The following HS6ST3 variants were observed in gnomAD, a reference collection of about 807,000 sequenced individuals.
HS6ST3 encodes heparan sulfate 6-O-sulfotransferase 3.
Under a neutral mutation model 36.7 loss-of-function variants are expected in HS6ST3, and 12 were observed. That is an observed-to-expected ratio of 0.33 (90% CI 0.21 to 0.53). The LOEUF (loss-of-function observed/expected upper bound fraction) is 0.53. Among genes scored for constraint, HS6ST3 ranks in the 20% least tolerant of loss-of-function variants. The pLI is 0.95. For missense variants in HS6ST3, 584 were observed against 640.9 expected, an observed-to-expected ratio of 0.91 and a Z score of 0.96; for synonymous variants, 240 against 257.5, an observed-to-expected ratio of 0.93 and a Z score of 0.65.
intron 1 of HS6ST3, among the ~76,000 whole-genome samples, chr13:96,489,597 GT>G (rs1201472146): frequency 6.6e-6 from 1 of 151,794 alleles, no homozygotes; most frequent in Non-Finnish European, 1.5e-5. Context: ...GCTTATATGT[GT>G]TGTCATATCA....
At chr13:96,278,508 C>A (rs749728003) in intron 1 of HS6ST3, among the ~76,000 whole-genome samples, 1 of 152,092 alleles carries the variant, frequency 6.6e-6, no homozygotes, top group Non-Finnish European at 1.5e-5. Context: ...AATTTGAAGT[C>A]TTTATATAAT....
rs1878905169 is a variant in HS6ST3, at chr13:96,835,578, C to T, written c.*2380C>T. ...TGTTCTGCCTAGAATAGCAGGACTG[C>T]AAATTATCCTTCTGCCTGCCCCTGT... On this transcript the variant is annotated 3_prime_UTR_variant, in exon 2 of 2. Transcript: ENST00000376705. 6.7e-6 allele frequency: 1 copy of T among 149,394 alleles called. No individual in the cohort carries two copies. Among genetic ancestry groups the T allele is most frequent in the Non-Finnish European group, 1.5e-5 (1 of 67,810 alleles). 9.3% of individuals were successfully genotyped at this position (149,394 alleles called of 1,614,324 possible).
intron 1 of HS6ST3, among the ~76,000 whole-genome samples, chr13:96,689,557 T>C (rs1874879267): frequency 6.6e-6 from 1 of 151,530 alleles, no homozygotes; most frequent in South Asian, 2.1e-4. Flanking sequence ...ATTGGTTGCT[T>C]AGTCGTCAGG....
intron 1 of HS6ST3, among the ~76,000 whole-genome samples, chr13:96,794,751 A>G (rs1431803885): frequency 1.3e-5 from 2 of 152,054 alleles, no homozygotes; most frequent in Non-Finnish European, 2.9e-5. Context: ...ATAAACCAGG[A>G]TAAAGCATGT....
chr13:96,312,951 CAAAAAAAAA>C (rs754098470), intron 1 of HS6ST3, among the ~76,000 whole-genome samples: 2 of 81,440 alleles, frequency 2.5e-5, no homozygotes, highest in Non-Finnish European at 4.7e-5. Context: ...GACCCTGTCT[CAAAAAAAAA>C]AAAAAAAAAA....
At chr13:96,612,218 T>C (rs480651) in intron 1 of HS6ST3, among the ~76,000 whole-genome samples, 57,147 of 151,882 alleles carry the variant, frequency 0.38, 11,012 homozygotes, top group East Asian at 0.62. Context: ...AGGGTGAGGT[T>C]CCTGCTTAGG....
At chr13:96,242,610 T>A (rs540282490) in intron 1 of HS6ST3, among the ~76,000 whole-genome samples, 6 of 151,532 alleles carry the variant, frequency 4.0e-5, no homozygotes, top group Middle Eastern at 3.6e-3. Context: ...ATCTTCCAGG[T>A]TGATCCATGG....
At chr13:96,708,766 T>A (rs1875490458) in intron 1 of HS6ST3, among the ~76,000 whole-genome samples, 1 of 152,146 alleles carries the variant, frequency 6.6e-6, no homozygotes, top group African/African-American at 2.4e-5. Flanking sequence ...TTCTCTGGCA[T>A]GGCAAATTAT....
intron 1 of HS6ST3, among the ~76,000 whole-genome samples, chr13:96,208,526 G>C (rs2054383174): frequency 6.6e-6 from 1 of 152,124 alleles, no homozygotes; most frequent in African/African-American, 2.4e-5. Flanking sequence ...TGATTCTTTA[G>C]AGATTTACTA....
intron 1 of HS6ST3, among the ~76,000 whole-genome samples, chr13:96,400,473 A>G (rs571182815): frequency 3.3e-5 from 5 of 152,174 alleles, no homozygotes; most frequent in Non-Finnish European, 7.3e-5. Context: ...TTAACTGATT[A>G]ATGAATTAAT....
chr13:96,736,002 A>G (rs867637545), intron 1 of HS6ST3, among the ~76,000 whole-genome samples: 1 of 152,148 alleles, frequency 6.6e-6, no homozygotes, highest in Admixed American at 6.5e-5. Context: ...TCACTTATAA[A>G]TAGGAGCTAA....
intron 1 of HS6ST3, among the ~76,000 whole-genome samples, chr13:96,548,986 C>T (rs2056208618): frequency 6.6e-6 from 1 of 152,218 alleles, no homozygotes; most frequent in Non-Finnish European, 1.5e-5. Flanking sequence ...AACCCTCACA[C>T]TCTCCTTACA....
At chr13:96,784,588 A>G (rs1343405498) in intron 1 of HS6ST3, among the ~76,000 whole-genome samples, 2 of 152,184 alleles carry the variant, frequency 1.3e-5, no homozygotes, top group Non-Finnish European at 2.9e-5. Context: ...TTCTATTTCA[A>G]ACAACTAATT....
rs1185331219 is a variant in HS6ST3, at chr13:96,583,766, GTCTTAACTCCAAT to G, written c.708-248723_708-248711del. On this transcript the variant is annotated intron_variant, in intron 1 of 1. Coordinates refer to ENST00000376705, the MANE Select transcript of HS6ST3 (RefSeq NM_153456.4). ...CATACGGCTCTTTATCATCAGTCAAGTCTTAACTCCAATGAGACCTCCTTAGAGAGGCCTCCCC... is the reference window on the plus strand; with the variant it reads ...CATACGGCTCTTTATCATCAGTCAAGGAGACCTCCTTAGAGAGGCCTCCCC... Among the ~76,000 whole-genome samples the G allele has an allele frequency of 3.4e-4, 51 of 152,222 alleles. No homozygotes were observed. The South Asian group carries it at 9.5e-3, about 28-fold the overall frequency.
chr13:96,791,377 G>A (rs528026660), intron 1 of HS6ST3, among the ~76,000 whole-genome samples: 1 of 152,116 alleles, frequency 6.6e-6, no homozygotes, highest in African/African-American at 2.4e-5. Context: ...GAAAGTACAA[G>A]TTGTGTGATC....
In HS6ST3 at chr13:96,434,674, A is replaced by G. The variant is rs1280523680; in HGVS notation, c.707+343105A>G. ...GCCAAGATCCAGGCTTCTCTCCCCA[A>G]GCTGCCCACCCTTCTTCCTGAGCTT... On this transcript the variant is annotated intron_variant, in intron 1 of 1. Transcript: ENST00000376705. Among the ~76,000 whole-genome samples, 3 of 151,626 alleles carry G rather than the reference A, an allele frequency of 2.0e-5. No individual in the cohort carries two copies. The South Asian group carries it at 6.3e-4, about 32-fold the overall frequency.
intron 1 of HS6ST3, among the ~76,000 whole-genome samples, chr13:96,147,156 T>A (rs1458904286): frequency 6.6e-6 from 1 of 152,254 alleles, no homozygotes; most frequent in African/African-American, 2.4e-5. Context: ...TTGATAGTGA[T>A]CAGCAGAGCA....
At chr13:96,180,028 T>C (rs933401377) in intron 1 of HS6ST3, among the ~76,000 whole-genome samples, 9 of 152,034 alleles carry the variant, frequency 5.9e-5, no homozygotes, top group African/African-American at 2.2e-4. Flanking sequence ...AGAGATGGGG[T>C]TTCGCCTTGT....
At chr13:96,392,790 G>A (rs2055402298) in intron 1 of HS6ST3, among the ~76,000 whole-genome samples, 2 of 152,158 alleles carry the variant, frequency 1.3e-5, no homozygotes, top group Non-Finnish European at 2.9e-5. Context: ...ACCCCTCAGG[G>A]CCTCAAAGGC....
Sources: gnomAD v4.1 joint callset for allele counts (sites outside exome capture counted in the v4.1 genomes callset) on GRCh38, gnomAD v4.1.1 for gene constraint, MANE v1.5 for transcripts, NCBI Gene and HGNC (gene_info 2026-07-23, HGNC 2026-07-21) for gene names.